The following CROCC variants were observed in gnomAD, a reference collection of about 807,000 sequenced individuals.
CROCC encodes the protein rootletin.
Under a neutral mutation model 245.2 loss-of-function variants are expected in CROCC, and 180 were observed. The observed-to-expected ratio is 0.73, with a 90% CI of 0.65 to 0.83. The LOEUF is 0.83. Among genes scored for constraint, CROCC ranks in the 40% least tolerant of loss-of-function variants. The pLI is 0.00. For missense variants in CROCC, 2,688 were observed against 2,779.4 expected (o/e 0.97, Z 0.74); for synonymous variants, 1,205 against 1,241.6 (o/e 0.97, Z 0.62).
chr1:16,921,901 G>A, upstream of CROCC: 2 of 1,133,364 alleles, frequency 1.8e-6, no homozygotes, highest in Non-Finnish European at 2.6e-6. Flanking sequence ...GGCGCCGCCG[G>A]ATTTAAGCTT....
chr1:16,960,216 A>G (rs907308720), intron 26 of CROCC, among the ~76,000 whole-genome samples: 3 of 152,158 alleles, frequency 2.0e-5, no homozygotes, highest in Admixed American at 6.6e-5. Context: ...CAGTGAGCTG[A>G]GATTGCCCCA....
intron 1 of CROCC, among the ~76,000 whole-genome samples, chr1:16,914,651 A>G (rs2075284434): frequency 6.6e-6 from 1 of 152,290 alleles, no homozygotes; most frequent in Non-Finnish European, 1.5e-5. Context: ...GGGCCGCCGG[A>G]TGCTGTGCGG....
intron 13 of CROCC, among the ~76,000 whole-genome samples, chr1:16,942,338 C>G (rs77948820): frequency 0.06 from 9,121 of 150,802 alleles, 72 homozygotes; most frequent in African/African-American, 0.11. Context: ...CACTTCTTAG[C>G]TGCCAGGTTG....
intron 3 of CROCC, among the ~76,000 whole-genome samples, chr1:16,927,653 T>C (rs541113849): frequency 0.036 from 5,389 of 151,288 alleles, no homozygotes; most frequent in Middle Eastern, 0.055. Flanking sequence ...TGGAGACAAA[T>C]GACAAAATAC....
chr1:16,942,785 A>G (rs1173847434), intron 13 of CROCC, among the ~76,000 whole-genome samples: 2 of 152,274 alleles, frequency 1.3e-5, no homozygotes, highest in African/African-American at 2.4e-5. Flanking sequence ...CAAACATCCC[A>G]TTTTGCATTC....
At chr1:16,959,935 C>T (rs1192709897) in intron 26 of CROCC, among the ~76,000 whole-genome samples, 17 of 151,440 alleles carry the variant, frequency 1.1e-4, no homozygotes, top group Admixed American at 1.1e-3. Context: ...TAATAAGCTG[C>T]TGTCAAGCTA....
At chr1:16,933,277 C>G (rs28604341) in intron 8 of CROCC, among the ~76,000 whole-genome samples, 1 of 152,252 alleles carries the variant, frequency 6.6e-6, no homozygotes, top group East Asian at 1.9e-4. Flanking sequence ...ACCAGCCTGG[C>G]CAACATGGTG....
At chr1:16,925,642 G>T (rs765834459) in intron 3 of CROCC, among the ~76,000 whole-genome samples, 5 of 152,278 alleles carry the variant, frequency 3.3e-5, no homozygotes, top group African/African-American at 4.8e-5. Flanking sequence ...GGGTTGGCAT[G>T]GGACCCCTGA....
intron 4 of CROCC, 29 bp from the exon 5 acceptor site, chr1:16,930,095 G>A (rs1368061017): frequency 1.9e-6 from 3 of 1,578,818 alleles, no homozygotes; most frequent in African/African-American, 2.7e-5. Flanking sequence ...CCCAACCCCT[G>A]GGGCTCACCA....
At chr1:16,931,833 T>G (rs1451546574) in intron 8 of CROCC, among the ~76,000 whole-genome samples, 1 of 152,218 alleles carries the variant, frequency 6.6e-6, no homozygotes, top group Non-Finnish European at 1.5e-5. Flanking sequence ...CTTGGATCAC[T>G]GCAACCTTCA....
intron 16 of CROCC, 132 bp from the exon 17 acceptor site, chr1:16,946,621 TCCCATACA>T: frequency 9.2e-7 from 1 of 1,089,068 alleles, no homozygotes. Context: ...CTCCCCAGTG[TCCCATACA>T]CCCAAGGGCA....
chr1:16,929,436 C>T (rs1184158433), intron 3 of CROCC, among the ~76,000 whole-genome samples: 3 of 74,422 alleles, frequency 4.0e-5, no homozygotes, highest in African/African-American at 1.1e-4. Context: ...ACAAAAAATC[C>T]AGGCTTTCCT....
intron 2 of CROCC, 122 bp from the exon 3 acceptor site, chr1:16,924,203 G>A: frequency 1.6e-6 from 2 of 1,233,366 alleles, no homozygotes; most frequent in Non-Finnish European, 2.2e-6. Context: ...CAGGCCTGGT[G>A]CTGCAGCCAT....
Position 16,944,193 on chromosome 1 carries a change from G to A in CROCC, c.1902G>A (p.Glu634=). ...QEREKLQAAQ[E]ELRRQRDRLE... is the part of the protein sequence containing the mutation. The stretch of plus-strand genomic sequence containing the variant: ...GGGAGAAGCTGCAGGCTGCCCAGGA[G>A]GAGCTGCGGCGCCAGCGGGACCGGC... The change falls in exon 14 of 37, where the codon GAG becomes GAA. Residue 634 remains glutamate (E), a synonymous_variant. Coordinates refer to ENST00000375541, the MANE Select transcript of CROCC (RefSeq NM_014675.5). The A allele has an allele frequency of 3.2e-6, 5 of 1,555,558 alleles. No individual in the cohort carries two copies. Among genetic ancestry groups the A allele is most frequent in the South Asian group, 1.2e-5 (1 of 84,246 alleles).
chr1:16,966,431 C>T lies in CROCC; in HGVS notation c.4720C>T (p.Leu1574=). The change falls in exon 30 of 37, where the codon CTG becomes TTG. Residue 1574 remains leucine, a synonymous_variant. Coordinates refer to ENST00000375541, the MANE Select transcript of CROCC (RefSeq NM_014675.5). The surrounding 1 kb of genome is among the most constrained non-coding windows in gnomAD (Gnocchi z 4.8). The part of the protein sequence containing the change: ...EEARRSVDGR[L]SGVQAELALQ... ...AGCCCGGCGCAGTGTGGATGGGCGG[C>T]TGAGCGGGGTCCAGGCGGAGCTGGC... 1 of 1,536,568 alleles carries T rather than the reference C, an allele frequency of 6.5e-7. No individual in the cohort carries two copies. The highest frequency in any genetic ancestry group is 1.2e-5 in the South Asian group (1 of 83,458).
chr1:16,969,109 C>T lies in CROCC; in HGVS notation c.5077-7C>T, dbSNP rs781698871. 9.9e-5 allele frequency: 157 copies of T among 1,591,490 alleles called. No individual in the cohort carries two copies. Among genetic ancestry groups the T allele is most frequent in the Non-Finnish European group, 1.2e-4 (142 of 1,169,854 alleles). Reference sequence around the variant, plus strand: ...AGCCCCGATTGTTCTGGCTGTCCTCCTGCCAGGTGGCCGACAGCGAGGTGA... The same window carrying T: ...AGCCCCGATTGTTCTGGCTGTCCTCTTGCCAGGTGGCCGACAGCGAGGTGA... On this transcript the variant is annotated splice_region_variant and splice_polypyrimidine_tract_variant and intron_variant, in intron 31 of 36. Coordinates refer to ENST00000375541, the MANE Select transcript of CROCC (RefSeq NM_014675.5).
Position 16,954,695 on chromosome 1 carries a change from A to T in CROCC, c.3322-39A>T. On this transcript the variant is annotated intron_variant, in intron 22 of 36. Transcript: ENST00000375541. This position sits in a 1 kb window ranked among gnomAD's most constrained non-coding sequence, Gnocchi z 4.4. Reference sequence around the variant, plus strand: ...GTTGGGAGCAGCCCGGGGCTGGGGGACACAGCAGGACCAAGTCTGAGGAGC... The same window carrying T: ...GTTGGGAGCAGCCCGGGGCTGGGGGTCACAGCAGGACCAAGTCTGAGGAGC... 6.6e-7 allele frequency: 1 copy of T among 1,516,086 alleles called. No individual in the cohort carries two copies. Among genetic ancestry groups the T allele is most frequent in the Non-Finnish European group, 8.9e-7 (1 of 1,126,130 alleles). 93.9% of individuals were successfully genotyped at this position (1,516,086 alleles called of 1,614,324 possible).
chr1:16,972,496 C>T lies in CROCC; in HGVS notation c.*50C>T. 5 of 1,396,722 alleles carry T rather than the reference C, an allele frequency of 3.6e-6. No individual in the cohort carries two copies. The highest frequency in any genetic ancestry group is 4.9e-6 in the Non-Finnish European group (5 of 1,022,690). 86.5% of individuals were successfully genotyped at this position (1,396,722 alleles called of 1,614,324 possible). A position where few individuals can be genotyped will look rare whatever the true frequency, so the allele number is the denominator to read the frequency against. On this transcript the variant is annotated 3_prime_UTR_variant, in exon 37 of 37. Transcript: ENST00000375541. The stretch of plus-strand genomic sequence containing the variant: ...CCCCTGTGCCTGGGACAGGGGAGGA[C>T]CCTTCTTTTGGACAGCCCCCCCACC...
intron 3 of CROCC, among the ~76,000 whole-genome samples, chr1:16,927,155 C>A (rs1342998153): frequency 6.6e-6 from 1 of 152,246 alleles, no homozygotes; most frequent in Non-Finnish European, 1.5e-5. Flanking sequence ...TAGTGAGACC[C>A]TAAAACCAGG....
Sources: gnomAD v4.1 joint callset for allele counts (sites outside exome capture counted in the v4.1 genomes callset) on GRCh38, gnomAD v4.1.1 for gene constraint, Gnocchi (gnomAD v3.1) non-coding constraint, MANE v1.5 for transcripts, NCBI Gene and HGNC (gene_info 2026-07-23, HGNC 2026-07-21) for gene names.